The following HIF3A variants were observed in gnomAD, a reference collection of about 807,000 sequenced individuals.
The protein encoded by HIF3A is hypoxia-inducible factor 3-alpha.
A neutral mutation model predicts 67.2 loss-of-function variants in HIF3A; 41 were observed. The observed-to-expected ratio is 0.61, with a 90% CI of 0.48 to 0.79. The LOEUF is 0.79. HIF3A is among the 30% of genes least tolerant of loss of function. The pLI is 0.00. For missense variants in HIF3A, 855 were observed against 898.0 expected (o/e 0.95, Z 0.61); for synonymous variants, 356 against 374.8 (o/e 0.95, Z 0.58).
chr19:46,321,659 G>T, intron 9 of HIF3A, 117 bp from the exon 10 acceptor site: 1 of 881,068 alleles, frequency 1.1e-6, no homozygotes, highest in Non-Finnish European at 1.8e-6. Flanking sequence ...ACTAAGAACA[G>T]TGGCCATCCT....
chr19:46,337,391 C>T (rs1162908604), intron 14 of HIF3A, among the ~76,000 whole-genome samples: 4 of 152,048 alleles, frequency 2.6e-5, no homozygotes, highest in Non-Finnish European at 1.5e-5. Flanking sequence ...GCTGGGACTA[C>T]ACTTGTAGCT....
chr19:46,305,386 G>C lies in HIF3A; in HGVS notation c.359G>C (p.Ser120Thr). The change falls in exon 3 of 15, where the codon AGT becomes ACT. Residue 120 changes from serine (S) to threonine (T), a missense_variant. By Grantham distance (58) the Ser-to-Thr change is moderately conservative (BLOSUM62 1). Coordinates refer to ENST00000377670, the MANE Select transcript of HIF3A (RefSeq NM_152795.4). ...SENVSKHLGL[S>T]QLELIGHSIF... ...AATGTCAGCAAACACCTGGGCCTCA[G>C]TCAGGTGAGAGGAGCTCCTTGCTCT... 1 of 1,613,876 alleles carries C rather than the reference G, an allele frequency of 6.2e-7. No individual in the cohort carries two copies. The highest frequency in any genetic ancestry group is 1.7e-5 in the Admixed American group (1 of 60,020).
At position 46,334,047 on chromosome 19, in the gene HIF3A, C is replaced by G. The variant is rs556543160; in HGVS notation, c.1831-858C>G. ...TGACCTCGTGATCCGCCCAACTCGG[C>G]CTCCCAAAGTGCTGGGATTACAGGC... On this transcript the variant is annotated intron_variant, in intron 13 of 14. Transcript: ENST00000377670. Among the ~76,000 whole-genome samples the G allele has an allele frequency of 2.5e-3, 375 of 151,842 alleles. 2 individuals carry two copies. Among genetic ancestry groups the G allele is most frequent in the Non-Finnish European group, 4.1e-3 (276 of 67,944 alleles).
chr19:46,331,853 CT>C (rs1259936572), intron 13 of HIF3A, among the ~76,000 whole-genome samples: 87 of 92,358 alleles, frequency 9.4e-4, no homozygotes, highest in Non-Finnish European at 1.6e-3. Flanking sequence ...GAAACTCCGT[CT>C]CAAAAAAAAA....
In HIF3A at chr19:46,339,813, G is replaced by A. The variant is rs1004667532; in HGVS notation, c.*191G>A. On this transcript the variant is annotated 3_prime_UTR_variant, in exon 15 of 15. Transcript: ENST00000377670. ...GCTCCCAATCTGGGGGCTCTCTGGG[G>A]TGGTCTCAGCTCAGTGACCTCTGGG... 2 of 436,058 alleles carry A rather than the reference G, an allele frequency of 4.6e-6. No homozygotes were observed. Among genetic ancestry groups the A allele is most frequent in the Non-Finnish European group, 8.1e-6 (2 of 246,476 alleles). 27.0% of individuals were successfully genotyped at this position (436,058 alleles called of 1,614,324 possible).
chr19:46,298,034 C>G (rs1478047415), intron 1 of HIF3A, among the ~76,000 whole-genome samples: 1 of 152,126 alleles, frequency 6.6e-6, no homozygotes, highest in Non-Finnish European at 1.5e-5. Context: ...AACCTGTGCC[C>G]TGGGGCCGCT....
chr19:46,304,093 G>T lies in HIF3A; in HGVS notation c.217+5G>T. 2.6e-6 allele frequency: 4 copies of T among 1,552,872 alleles called. No individual in the cohort carries two copies. Among genetic ancestry groups the T allele is most frequent in the Non-Finnish European group, 2.6e-6 (3 of 1,150,652 alleles). On this transcript the variant is annotated splice_donor_5th_base_variant and intron_variant, in intron 2 of 14. Transcript: ENST00000377670. ...TGCACCGCCTCTGCGCCGCAGGTGA[G>T]CCCCGCCCGCGGGAATTCCCGTCTT...
intron 8 of HIF3A, among the ~76,000 whole-genome samples, chr19:46,319,846 C>G (rs1390415634): frequency 1.3e-5 from 2 of 152,150 alleles, no homozygotes; most frequent in Non-Finnish European, 2.9e-5. Context: ...TCCTCTCTGC[C>G]CAGGCTGTGC....
At chr19:46,321,369 A>G (rs1423092110) in intron 9 of HIF3A, among the ~76,000 whole-genome samples, 1 of 152,116 alleles carries the variant, frequency 6.6e-6, no homozygotes, top group African/African-American at 2.4e-5. Flanking sequence ...GGATCACTTG[A>G]GGTCAGGAGT....
chr19:46,324,322 A>G (rs1183771621), intron 10 of HIF3A, among the ~76,000 whole-genome samples: 1 of 152,198 alleles, frequency 6.6e-6, no homozygotes, highest in South Asian at 2.1e-4. Flanking sequence ...AGATCATACC[A>G]GTTACTATCA....
intron 8 of HIF3A, among the ~76,000 whole-genome samples, chr19:46,317,066 G>A (rs997054603): frequency 6.6e-6 from 1 of 152,086 alleles, no homozygotes; most frequent in South Asian, 2.1e-4. Context: ...GACTATAGGT[G>A]CGCACTACCA....
intron 10 of HIF3A, 143 bp from the exon 11 acceptor site, chr19:46,325,392 A>T (rs983291630): frequency 1.5e-6 from 1 of 652,738 alleles, no homozygotes; most frequent in Non-Finnish European, 2.8e-6. Context: ...TTCAAAACTC[A>T]TCTGCATTTG....
chr19:46,298,285 T>C (rs778196183), intron 1 of HIF3A: 8 of 659,780 alleles, frequency 1.2e-5, no homozygotes, highest in Non-Finnish European at 1.8e-5. Flanking sequence ...ATCCCACCCC[T>C]TTTGGGCCAG....
rs185875090 is a variant in HIF3A at position 46,323,597 on chromosome 19, A to G, written c.1335+1631A>G. On this transcript the variant is annotated intron_variant, in intron 10 of 14. Coordinates refer to ENST00000377670, the MANE Select transcript of HIF3A (RefSeq NM_152795.4). ...ACCATGCACAAAATCATATATATAT[A>G]TGTGTGTATAAAATAACACCACAGG... Among the ~76,000 whole-genome samples, 933 of 152,224 alleles carry G rather than the reference A, an allele frequency of 6.1e-3. 15 individuals are homozygous for G. The highest frequency in any genetic ancestry group is 0.021 in the African/African-American group (879 of 41,532).
intron 6 of HIF3A, chr19:46,310,553 C>T: frequency 2.2e-6 from 1 of 455,308 alleles, no homozygotes; most frequent in South Asian, 1.6e-5. Flanking sequence ...AATGGTGACT[C>T]TGGATTCAGC....
intron 13 of HIF3A, among the ~76,000 whole-genome samples, chr19:46,334,241 G>A (rs900748510): frequency 3.3e-5 from 5 of 152,020 alleles, no homozygotes; most frequent in African/African-American, 4.8e-5. Context: ...ACAGACATGC[G>A]CAACCACACC....
chr19:46,326,733 G>A (rs531240337), intron 11 of HIF3A, among the ~76,000 whole-genome samples: 1 of 152,126 alleles, frequency 6.6e-6, no homozygotes, highest in Non-Finnish European at 1.5e-5. Context: ...AATATACAGT[G>A]GTGAGACAGG....
At chr19:46,305,455 C>T in intron 3 of HIF3A, 65 bp downstream of exon 3, 2 of 1,499,376 alleles carry the variant, frequency 1.3e-6, no homozygotes, top group Non-Finnish European at 1.8e-6. Context: ...CAGTGGTGAC[C>T]AGGACAGCCA....
Position 46,312,189 on chromosome 19 carries a change from G to C in HIF3A, c.799G>C (p.Asp267His), listed in dbSNP as rs764768309. ...RIAEVAGYSP[D>H]DLIGCSAYEY... ...TGCAGAAGTGGCTGGCTATAGTCCC[G>C]ATGACCTGATCGGCTGTTCCGCCTA... Residue 267 changes from aspartate (D) to histidine (H), a missense_variant, in exon 7 of 15, where the codon GAT (aspartate) becomes CAT (histidine). Around this residue, in one of 3 missense-constraint regions of HIF3A, gnomAD observed 638 missense variants for 660.5 expected, o/e 0.97. Transcript: ENST00000377670. The C allele has an allele frequency of 6.2e-6, 10 of 1,613,846 alleles. No individual in the cohort carries two copies. Among genetic ancestry groups the C allele is most frequent in the African/African-American group, 1.3e-5 (1 of 74,824 alleles).
Sources: gnomAD v4.1 joint callset for allele counts (sites outside exome capture counted in the v4.1 genomes callset) on GRCh38, gnomAD v4.1.1 for gene constraint, gnomAD v4.1.1 regional missense constraint, MANE v1.5 for transcripts, NCBI Gene and HGNC (gene_info 2026-07-23, HGNC 2026-07-21) for gene names.